The following BICD1 variants were observed in gnomAD, a reference collection of about 807,000 sequenced individuals.
The protein encoded by BICD1 is BICD cargo adaptor 1, also known as protein bicaudal D homolog 1.
A neutral mutation model predicts 92.5 loss-of-function variants in BICD1; 35 were observed. The ratio of observed to expected loss-of-function variants is 0.38; its 90% confidence interval spans 0.29 to 0.50. The LOEUF (loss-of-function observed/expected upper bound fraction) is 0.50. BICD1 is among the 20% of genes least tolerant of loss of function. The probability of loss-of-function intolerance (pLI) is 0.93; values close to 1 mark genes in which losing one functional copy is unlikely to be tolerated. For missense variants in BICD1, 950 were observed against 1,189.8 expected (o/e 0.80, Z 2.97); for synonymous variants, 429 against 465.1 (o/e 0.92, Z 1.00).
chr12:32,371,402 T>G (rs888369445), intron 9 of BICD1, among the ~76,000 whole-genome samples: 1 of 152,226 alleles, frequency 6.6e-6, no homozygotes, highest in African/African-American at 2.4e-5. Flanking sequence ...ATTGCCCTTT[T>G]TACTCCTTCT....
At chr12:32,304,271 C>T (rs1299046637) in intron 3 of BICD1, among the ~76,000 whole-genome samples, 1 of 152,084 alleles carries the variant, frequency 6.6e-6, no homozygotes, top group Non-Finnish European at 1.5e-5. Context: ...GTTCCCTATT[C>T]TTCAGTTTTT....
chr12:32,250,448 A>C (rs1946496494), intron 2 of BICD1, among the ~76,000 whole-genome samples: 1 of 152,212 alleles, frequency 6.6e-6, no homozygotes, highest in Admixed American at 6.5e-5. Context: ...TAGGATGGCT[A>C]TCTAGAAAAC....
intron 2 of BICD1, among the ~76,000 whole-genome samples, chr12:32,250,457 ACAT>A (rs1946496654): frequency 6.6e-6 from 1 of 152,340 alleles, no homozygotes; most frequent in Admixed American, 6.5e-5. Context: ...TATCTAGAAA[ACAT>A]CATGCAATTT....
intron 9 of BICD1, among the ~76,000 whole-genome samples, chr12:32,377,120 G>A (rs968614732): frequency 6.6e-6 from 1 of 152,012 alleles, no homozygotes; most frequent in Non-Finnish European, 1.5e-5. Context: ...TAATGAATCC[G>A]AATCTGCCCT....
intron 2 of BICD1, among the ~76,000 whole-genome samples, chr12:32,257,482 A>G (rs551159920): frequency 9.2e-5 from 14 of 152,194 alleles, no homozygotes; most frequent in Admixed American, 4.6e-4. Flanking sequence ...AGGTATAGAT[A>G]ATATCAAATG....
intron 1 of BICD1, among the ~76,000 whole-genome samples, chr12:32,158,827 T>G (rs959548739): frequency 3.3e-5 from 5 of 152,220 alleles, no homozygotes; most frequent in African/African-American, 1.2e-4. Flanking sequence ...TTTGTTTTCC[T>G]AGGGCCTTGC....
chr12:32,117,758 A>ATTTTT (rs1180018434), intron 1 of BICD1, among the ~76,000 whole-genome samples: 19 of 107,906 alleles, frequency 1.8e-4, no homozygotes, highest in Admixed American at 6.1e-4. Flanking sequence ...ATATATATAT[A>ATTTTT]TTTTTTTTTA....
chr12:32,116,232 T>C (rs1179248338), intron 1 of BICD1, among the ~76,000 whole-genome samples: 2 of 152,240 alleles, frequency 1.3e-5, no homozygotes, highest in African/African-American at 4.8e-5. Context: ...TCTGCTTATT[T>C]ACTGCCTGTC....
At chr12:32,347,754 C>T (rs1938685193) in intron 8 of BICD1, among the ~76,000 whole-genome samples, 2 of 151,794 alleles carry the variant, frequency 1.3e-5, no homozygotes, top group African/African-American at 4.8e-5. Context: ...CCTAACAAAA[C>T]ATATTCCTTA....
At chr12:32,144,616 C>G (rs1012000926) in intron 1 of BICD1, among the ~76,000 whole-genome samples, 4 of 152,302 alleles carry the variant, frequency 2.6e-5, no homozygotes, top group African/African-American at 9.6e-5. Flanking sequence ...AACTATTCCA[C>G]TTATAGTAAC....
At chr12:32,121,488 G>T (rs1214545028) in intron 1 of BICD1, among the ~76,000 whole-genome samples, 1 of 151,834 alleles carries the variant, frequency 6.6e-6, no homozygotes, top group Non-Finnish European at 1.5e-5. Context: ...AGCTACTTGG[G>T]AGGCTGAGGC....
At chr12:32,282,202 CTTTTTTTTTTTTTTTTTTTTTTTTTT>C (rs56217529) in intron 2 of BICD1, among the ~76,000 whole-genome samples, 36 of 94,238 alleles carry the variant, frequency 3.8e-4, no homozygotes, top group South Asian at 1.5e-3. Flanking sequence ...AGGTCTTCTT[CTTTTTTTTTTTTTTTTTTTTTTTTTT>C]TTTTTTTTTT....
chr12:32,184,122 T>C (rs1206051625), intron 1 of BICD1, among the ~76,000 whole-genome samples: 1 of 152,104 alleles, frequency 6.6e-6, no homozygotes, highest in Non-Finnish European at 1.5e-5. Flanking sequence ...AGGCTGAGAA[T>C]TTAGGGCACT....
chr12:32,203,634 G>T (rs149967064), intron 1 of BICD1, among the ~76,000 whole-genome samples: 2 of 152,188 alleles, frequency 1.3e-5, no homozygotes, highest in African/African-American at 2.4e-5. Flanking sequence ...GGTTGCAGGA[G>T]GGGAGCTAAG....
At chr12:32,251,582 CTAATTG>C (rs1490075343) in intron 2 of BICD1, among the ~76,000 whole-genome samples, 1 of 152,066 alleles carries the variant, frequency 6.6e-6, no homozygotes, top group Non-Finnish European at 1.5e-5. Context: ...TTTTTATCAC[CTAATTG>C]TATATTTTCT....
intron 2 of BICD1, among the ~76,000 whole-genome samples, chr12:32,242,087 C>A (rs1211658158): frequency 1.3e-5 from 2 of 151,200 alleles, no homozygotes; most frequent in African/African-American, 2.4e-5. Context: ...TGATGGTGTG[C>A]ACCTTTAGTC....
At chr12:32,178,961 C>T (rs1168612136) in intron 1 of BICD1, among the ~76,000 whole-genome samples, 1 of 151,952 alleles carries the variant, frequency 6.6e-6, no homozygotes, top group Non-Finnish European at 1.5e-5. Flanking sequence ...GAATTCACAC[C>T]TTATTTTAGG....
chr12:32,108,327 G>T (rs1941566976), intron 1 of BICD1: 2 of 215,196 alleles, frequency 9.3e-6, no homozygotes, highest in South Asian at 1.1e-4. Flanking sequence ...AAAAATGGGT[G>T]ATGTATAATG....
chr12:32,140,837 A>T (rs1351374871), intron 1 of BICD1, among the ~76,000 whole-genome samples: 2 of 152,146 alleles, frequency 1.3e-5, no homozygotes, highest in Non-Finnish European at 2.9e-5. Flanking sequence ...GAGCTAAAAA[A>T]AAAACAAAGG....
Sources: gnomAD v4.1 joint callset for allele counts (sites outside exome capture counted in the v4.1 genomes callset) on GRCh38, gnomAD v4.1.1 for gene constraint, MANE v1.5 for transcripts, NCBI Gene and HGNC (gene_info 2026-07-23, HGNC 2026-07-21) for gene names.